LILRB1: variants seen among roughly 807,000 people sequenced by gnomAD.
The protein encoded by LILRB1 is leukocyte immunoglobulin-like receptor subfamily B member 1.
LILRB1 carries 59 observed loss-of-function variants against 74.6 expected under a neutral mutation model. That is an observed-to-expected ratio of 0.79 (90% CI 0.64 to 0.98). The LOEUF is 0.98. Among genes scored for constraint, LILRB1 ranks in the 50% least tolerant of loss-of-function variants. LILRB1 has a pLI of 0.00. For missense variants in LILRB1, 804 were observed against 822.6 expected (o/e 0.98, Z 0.28); for synonymous variants, 328 against 333.9 (o/e 0.98, Z 0.19).
At chr19:54,624,007 C>T (rs1341476378) in intron 1 of LILRB1, among the ~76,000 whole-genome samples, 1 of 152,100 alleles carries the variant, frequency 6.6e-6, no homozygotes, top group East Asian at 1.9e-4. Context: ...GAGCCACCCT[C>T]GGCACAAGCA....
chr19:54,635,649 G>A lies in LILRB1; in HGVS notation c.1653+40G>A, dbSNP rs752150479. ...CTGTCCCAGGCACCAAAGGCCTCCTGGTGCCAGATCTAATCCTGCAGAACT... is the reference window on the plus strand; with the variant it reads ...CTGTCCCAGGCACCAAAGGCCTCCTAGTGCCAGATCTAATCCTGCAGAACT... On this transcript the variant is annotated intron_variant, in intron 13 of 14. Transcript: ENST00000324602. The A allele has an allele frequency of 2.4e-5, 38 of 1,606,380 alleles. No individual in the cohort carries two copies. The East Asian group carries it at 8.5e-4, about 36-fold the overall frequency.
intron 7 of LILRB1, 111 bp downstream of exon 7, chr19:54,633,429 A>T: frequency 7.0e-7 from 1 of 1,420,762 alleles, no homozygotes; most frequent in Non-Finnish European, 9.6e-7. Flanking sequence ...GGGCTCAGCC[A>T]GTGGGAGACT....
rs187892686 is a variant in LILRB1, at chr19:54,632,099, C to T, written c.523C>T (p.Arg175Cys). 59 of 1,614,232 alleles carry T rather than the reference C, an allele frequency of 3.7e-5. No homozygotes were observed. Among genetic ancestry groups the T allele is most frequent in the East Asian group, 2.2e-4 (10 of 44,884 alleles). ...PQCLNSQPHA[R>C]GSSRAIFSVG... is the part of the protein sequence containing the mutation. ...ATGCCTGAACTCCCAGCCCCATGCCCGTGGGTCGTCCCGCGCCATCTTCTC... is the reference window on the plus strand; with the variant it reads ...ATGCCTGAACTCCCAGCCCCATGCCTGTGGGTCGTCCCGCGCCATCTTCTC... Residue 175 changes from arginine to cysteine, a missense_variant, in exon 5 of 15, where the codon CGT becomes TGT. Arg to Cys is a radical substitution (Grantham distance 180). Coordinates refer to ENST00000324602, the MANE Select transcript of LILRB1 (RefSeq NM_001081637.3).
At chr19:54,630,067 T>C (rs1218723808), upstream of LILRB1, among the ~76,000 whole-genome samples, 1 of 95,448 alleles carries the variant, frequency 1.0e-5, no homozygotes, top group Admixed American at 1.0e-4. Flanking sequence ...GAGCCCCTCC[T>C]AATGTTCCAG....
Position 54,630,529 on chromosome 19 carries a change from G to A in LILRB1, c.-153G>A, listed in dbSNP as rs1244055402. 2.1e-5 allele frequency: 10 copies of A among 473,242 alleles called. No homozygotes were observed. Among genetic ancestry groups the A allele is most frequent in the African/African-American group, 4.4e-5 (2 of 45,248 alleles). 29.3% of individuals were successfully genotyped at this position (473,242 alleles called of 1,614,324 possible). On this transcript the variant is annotated 5_prime_UTR_variant, in exon 1 of 15. Coordinates refer to ENST00000324602, the MANE Select transcript of LILRB1 (RefSeq NM_001081637.3). Reference sequence around the variant, plus strand: ...CTGCCACACGCAGCTCAGCCTGGGCGGCACAGCCAGATGCGAGATGCGTCT... The same window carrying A: ...CTGCCACACGCAGCTCAGCCTGGGCAGCACAGCCAGATGCGAGATGCGTCT...
In LILRB1 at chr19:54,633,671, G is replaced by GC. The variant is rs2064123263; in HGVS notation, c.1299dup (p.Thr434HisfsTer8). On this transcript the variant is annotated frameshift_variant, in exon 8 of 15. Transcript: ENST00000324602. LOFTEE classifies it high-confidence loss of function. ...GGGGGCCCCAGCTCCCCGACAACAG[G>GC]CCCCACCTCCACATCTGGTGAGTCC... The GC allele has an allele frequency of 1.2e-6, 2 of 1,613,518 alleles. No individual in the cohort carries two copies. The highest frequency in any genetic ancestry group is 2.7e-5 in the African/African-American group (2 of 74,870).
At chr19:54,628,603 G>A (rs1286382659), upstream of LILRB1, among the ~76,000 whole-genome samples, 1 of 152,124 alleles carries the variant, frequency 6.6e-6, no homozygotes, top group African/African-American at 2.4e-5. Flanking sequence ...CAGATGAAGA[G>A]ACTCATAGGA....
upstream of LILRB1, among the ~76,000 whole-genome samples, chr19:54,630,089 G>A (rs189327241): frequency 3.1e-5 from 4 of 127,708 alleles, no homozygotes; most frequent in East Asian, 2.1e-4. Context: ...ACCACTGACC[G>A]TACAACCACT....
In LILRB1 at chr19:54,634,028, G is replaced by C; in HGVS notation, c.1363+7G>C. 1.3e-6 allele frequency: 2 copies of C among 1,589,624 alleles called. No homozygotes were observed. The highest frequency in any genetic ancestry group is 4.5e-5 in the East Asian group (2 of 44,196). ...GGGTCGGATCCCCAGAGTGGTGAGT[G>C]ACGGGCTCTGAGTGGGAGGTGGGCA... On this transcript the variant is annotated splice_region_variant and intron_variant, in intron 9 of 14. Transcript: ENST00000324602.
At position 54,630,721 on chromosome 19, in the gene LILRB1, C is replaced by A. The variant is rs147397544; in HGVS notation, c.-49+88C>A. ...GCTGTGAGAAGGAAGGAGATGCCTC[C>A]GCTACCCTCGTCAGGAAGGGCAGAC... On this transcript the variant is annotated intron_variant, in intron 1 of 14. Transcript: ENST00000324602. The A allele has an allele frequency of 2.8e-3, 2,146 of 759,664 alleles. 37 individuals are homozygous for A. In the African/African-American group the frequency reaches 0.032, roughly 11 times the overall value. The allele number at this position is 759,664 out of a possible 1,614,324, so 47.1% of individuals were successfully genotyped here. A position where few individuals can be genotyped will look rare whatever the true frequency, so the allele number is the denominator to read the frequency against.
At chr19:54,625,629 T>A (rs2063559675), upstream of LILRB1, among the ~76,000 whole-genome samples, 1 of 151,848 alleles carries the variant, frequency 6.6e-6, no homozygotes, top group South Asian at 2.1e-4. Context: ...TTCCCCGTGT[T>A]AGGGAGCCTC....
At chr19:54,617,553 C>G (rs376347958) in intron 1 of LILRB1, among the ~76,000 whole-genome samples, 1 of 143,204 alleles carries the variant, frequency 7.0e-6, no homozygotes, top group African/African-American at 2.6e-5. Flanking sequence ...TACAGGATGT[C>G]TGTGTGTGTG....
rs200156251 is a variant in LILRB1, at chr19:54,632,619, C to T, written c.817C>T (p.Pro273Ser). The T allele has an allele frequency of 2.0e-5, 32 of 1,613,998 alleles. No individual in the cohort carries two copies. In the African/African-American group the frequency reaches 2.9e-4, roughly 15 times the overall value. The stretch of plus-strand genomic sequence containing the variant: ...CTTCCTTCAGCTCGCTGGCGCACAG[C>T]CCCAGGCTGGGCTCTCCCAGGCCAA... ...RDFLQLAGAQPQAGLSQANFT... is the reference protein window; with the variant it reads ...RDFLQLAGAQSQAGLSQANFT... The change falls in exon 6 of 15, where the codon CCC becomes TCC. Residue 273 changes from proline to serine, a missense_variant. Coordinates refer to ENST00000324602, the MANE Select transcript of LILRB1 (RefSeq NM_001081637.3).
rs573601605 is a variant in LILRB1, at chr19:54,625,046, A to T, written c.-165-5471A>T. Among the ~76,000 whole-genome samples the T allele has an allele frequency of 1.7e-4, 23 of 136,826 alleles. No homozygotes were observed. The East Asian group carries it at 4.7e-3, about 28-fold the overall frequency. 89.8% of individuals were successfully genotyped at this position (136,826 alleles called of 152,430 possible). A position where few individuals can be genotyped will look rare whatever the true frequency, so the allele number is the denominator to read the frequency against. On this transcript the variant is annotated intron_variant, in intron 1 of 15. Transcript: ENST00000396331. Reference sequence around the variant, plus strand: ...AGTGTCACTCGGTTTTGCTCTGGGGACACGTGAAAGTGCCAGGCCTCCCCA... The same window carrying T: ...AGTGTCACTCGGTTTTGCTCTGGGGTCACGTGAAAGTGCCAGGCCTCCCCA...
At chr19:54,625,700 G>A (rs1453278695), upstream of LILRB1, among the ~76,000 whole-genome samples, 1 of 123,746 alleles carries the variant, frequency 8.1e-6, no homozygotes, top group African/African-American at 3.2e-5. Context: ...CCCGTGTTAG[G>A]GAGCCTCGCA....
Position 54,635,548 on chromosome 19 carries a change from C to G in LILRB1, c.1601-9C>G. The G allele has an allele frequency of 6.2e-7, 1 of 1,611,152 alleles. No individual in the cohort carries two copies. On this transcript the variant is annotated splice_polypyrimidine_tract_variant and intron_variant, in intron 12 of 14. Transcript: ENST00000324602. ...CCCAAGAGACAAACCCCTTGCTCTG[C>G]CCCAGCAGATGCTGCCGTGAAGCAC...
chr19:54,630,925 G>A (rs751421143), intron 1 of LILRB1, 101 bp from the exon 2 acceptor site: 46 of 1,592,490 alleles, frequency 2.9e-5, no homozygotes, highest in Middle Eastern at 1.7e-4. Context: ...TCCTGGGGAG[G>A]GCAGTTCCAC....
rs572263174 is a variant in LILRB1, at chr19:54,622,899, C to G, written c.-166+5550C>G. ...TGAAGGGATATTGGACTTTCTCGAA[C>G]GCTTTATCTGCATCTATTGAGATGA... On this transcript the variant is annotated intron_variant, in intron 1 of 15. Coordinates refer to the LILRB1 transcript ENST00000396331. Among the ~76,000 whole-genome samples the G allele has an allele frequency of 2.2e-4, 33 of 152,114 alleles. 1 individual carries two copies. The highest frequency in any genetic ancestry group is 2.2e-3 in the Admixed American group (33 of 15,272).
At chr19:54,627,830 AT>A (rs992243380), upstream of LILRB1, among the ~76,000 whole-genome samples, 3 of 152,128 alleles carry the variant, frequency 2.0e-5, no homozygotes, top group African/African-American at 7.2e-5. Flanking sequence ...GATGTGTGGG[AT>A]TTTTTTTCCT....
Sources: allele counts gnomAD v4.1 joint callset (sites outside exome capture counted in the v4.1 genomes callset), GRCh38; gene constraint gnomAD v4.1.1; transcripts MANE v1.5; gene names NCBI Gene and HGNC (gene_info 2026-07-23, HGNC 2026-07-21).